ZPBP2: variants seen among roughly 807,000 people sequenced by gnomAD.
ZPBP2 encodes the protein zona pellucida binding protein 2, also known as zona pellucida-binding protein 2.
ZPBP2 carries 34 observed loss-of-function variants against 37.5 expected under a neutral mutation model. That is an observed-to-expected ratio of 0.91 (90% CI 0.69 to 1.21). The LOEUF is 1.21. Among genes scored for constraint, ZPBP2 ranks in the 50% most tolerant of loss-of-function variants. The pLI, the probability that ZPBP2 is intolerant of heterozygous loss-of-function variation, is 0.00. For synonymous variants in ZPBP2, 143 were observed against 138.4 expected (o/e 1.03, Z -0.23); for missense variants, 397 against 413.5 (o/e 0.96, Z 0.35).
At chr17:39,874,214 A>G (rs1372681276) in intron 6 of ZPBP2, among the ~76,000 whole-genome samples, 2 of 151,930 alleles carry the variant, frequency 1.3e-5, no homozygotes, top group Non-Finnish European at 2.9e-5. Flanking sequence ...GTTGGTCTCA[A>G]ACTCCTGACC....
At chr17:39,875,671 T>C (rs956006292) in intron 7 of ZPBP2, among the ~76,000 whole-genome samples, 1 of 151,496 alleles carries the variant, frequency 6.6e-6, no homozygotes, top group Non-Finnish European at 1.5e-5. Flanking sequence ...TCATCTGAGC[T>C]CACCACAACC....
chr17:39,870,796 G>T lies in ZPBP2; in HGVS notation c.221G>T (p.Gly74Val). ...GTGGACCCCACCTACTTATGGATTG[G>T]GCCTAATGAAAAGACGTTAACAGGT... ...EIVDPTYLWIGPNEKTLTGNN... is the reference protein window; with the variant it reads ...EIVDPTYLWIVPNEKTLTGNN... Residue 74 changes from glycine to valine, a missense_variant, in exon 3 of 8, where the codon GGG (glycine) becomes GTG (valine). Transcript: ENST00000348931. 1 of 1,550,356 alleles carries T rather than the reference G, an allele frequency of 6.5e-7. No individual in the cohort carries two copies. Among genetic ancestry groups the T allele is most frequent in the Non-Finnish European group, 8.8e-7 (1 of 1,141,436 alleles).
At chr17:39,875,174 A>C in intron 6 of ZPBP2, 80 bp from the exon 7 acceptor site, 1 of 1,307,104 alleles carries the variant, frequency 7.7e-7, no homozygotes, top group East Asian at 2.3e-5. Flanking sequence ...CTTACAGTAC[A>C]TTATTGCCTG....
chr17:39,876,575 G>A, intron 7 of ZPBP2, 107 bp from the exon 8 acceptor site: 4 of 1,252,230 alleles, frequency 3.2e-6, no homozygotes, highest in Non-Finnish European at 3.3e-6. Context: ...GTACTGAAAT[G>A]GTATGATATT....
chr17:39,871,223 T>G (rs1474158370), intron 3 of ZPBP2, among the ~76,000 whole-genome samples: 1 of 152,158 alleles, frequency 6.6e-6, no homozygotes, highest in Non-Finnish European at 1.5e-5. Flanking sequence ...TCTGAATTAC[T>G]GGGATGAACC....
intron 3 of ZPBP2, 31 bp from the exon 4 acceptor site, chr17:39,871,433 T>C: frequency 2.0e-6 from 3 of 1,475,730 alleles, no homozygotes; most frequent in Non-Finnish European, 2.8e-6. Context: ...ATATGTTATA[T>C]GTTAAATAAG....
At chr17:39,871,661 G>C in intron 4 of ZPBP2, 36 bp downstream of exon 4, 1 of 1,471,018 alleles carries the variant, frequency 6.8e-7, no homozygotes, top group African/African-American at 1.4e-5. Context: ...TATACATTTA[G>C]TTTGGATCGT....
At chr17:39,869,730 A>T (rs1449167822) in intron 2 of ZPBP2, among the ~76,000 whole-genome samples, 8 of 49,704 alleles carry the variant, frequency 1.6e-4, no homozygotes, top group Non-Finnish European at 2.2e-4. Flanking sequence ...TTTTTTTTTT[A>T]AAGACAGCAT....
chr17:39,870,611 C>T (rs1489794592), intron 2 of ZPBP2, 83 bp from the exon 3 acceptor site: 1 of 808,282 alleles, frequency 1.2e-6, no homozygotes, highest in African/African-American at 1.8e-5. Context: ...TAATTCGTGT[C>T]TTCAGCACAA....
intron 7 of ZPBP2, 43 bp from the exon 8 acceptor site, chr17:39,876,639 A>T (rs1414601989): frequency 1.2e-6 from 2 of 1,606,368 alleles, no homozygotes; most frequent in Admixed American, 3.4e-5. Context: ...AGAGGCATAA[A>T]ATATCTCTAA....
intron 2 of ZPBP2, among the ~76,000 whole-genome samples, chr17:39,869,707 C>CT (rs59544817): frequency 0.014 from 1,277 of 92,984 alleles, 26 homozygotes; most frequent in African/African-American, 0.036. Context: ...ACCAGCCAAT[C>CT]TTTTTTTTTT....
At chr17:39,868,680 G>C in intron 2 of ZPBP2, 66 bp downstream of exon 2, 1 of 1,573,460 alleles carries the variant, frequency 6.4e-7, no homozygotes, top group South Asian at 1.1e-5. Flanking sequence ...CTTCCCGGAA[G>C]AGCTTCCTGG....
chr17:39,875,264 G>A lies in ZPBP2; in HGVS notation c.719G>A (p.Arg240Gln), dbSNP rs376495488. 8.7e-6 allele frequency: 14 copies of A among 1,609,854 alleles called. No homozygotes were observed. The highest frequency in any genetic ancestry group is 1.7e-5 in the Admixed American group (1 of 59,090). ...TNHNILQARD[R>Q]IEDFFRSQAY... ...ATTTTTCAACCTTAGGCAAGAGATC[G>A]AATAGAAGACTTTTTTCGGAGCCAA... The change falls in exon 7 of 8, where the codon CGA (arginine) becomes CAA (glutamine). Residue 240 changes from arginine (R) to glutamine (Q), a missense_variant. Transcript: ENST00000348931.
Position 39,868,223 on chromosome 17 carries a change from C to G in ZPBP2, c.-132C>G, listed in dbSNP as rs2063344008. Reference sequence around the variant, plus strand: ...TCCTGCGCGTCCGCTCCCGCCGTTGCGACGGACGGGTAGGGGAGGCGACCC... The same window carrying G: ...TCCTGCGCGTCCGCTCCCGCCGTTGGGACGGACGGGTAGGGGAGGCGACCC... On this transcript the variant is annotated 5_prime_UTR_variant, in exon 1 of 8. Transcript: ENST00000348931. The G allele has an allele frequency of 1.0e-6, 1 of 996,610 alleles. No homozygotes were observed. The highest frequency in any genetic ancestry group is 1.6e-5 in the African/African-American group (1 of 62,410). The allele number at this position is 996,610 out of a possible 1,614,324, so 61.7% of individuals were successfully genotyped here. A position where few individuals can be genotyped will look rare whatever the true frequency, so the allele number is the denominator to read the frequency against.
intron 2 of ZPBP2, 103 bp from the exon 3 acceptor site, chr17:39,870,591 C>A: frequency 1.6e-6 from 1 of 630,506 alleles, no homozygotes; most frequent in Admixed American, 4.0e-5. Context: ...TAGTGAAATC[C>A]AACAAGAACT....
In ZPBP2 at chr17:39,871,580, CAAGAA is replaced by C. The variant is rs1402087442; in HGVS notation, c.362_366del (p.Gln121ArgfsTer9). On this transcript the variant is annotated frameshift_variant, in exon 4 of 8. Transcript: ENST00000348931. LOFTEE classifies it high-confidence loss of function. ...TTATAAGACTGTTAAAGCAGAAACT[CAAGAA>C]GAAAAAACAGTCAAAAAGAGATATG... 1 of 1,594,904 alleles carries C rather than the reference CAAGAA, an allele frequency of 6.3e-7. No individual in the cohort carries two copies.
In ZPBP2 at chr17:39,875,253, G is replaced by C; in HGVS notation, c.709-1G>C. The C allele has an allele frequency of 6.2e-7, 1 of 1,605,466 alleles. No individual in the cohort carries two copies. The highest frequency in any genetic ancestry group is 8.5e-7 in the Non-Finnish European group (1 of 1,176,776). On this transcript the variant is annotated splice_acceptor_variant, in intron 6 of 7. Coordinates refer to ENST00000348931, the MANE Select transcript of ZPBP2 (RefSeq NM_199321.3). LOFTEE classifies it high-confidence loss of function. ...CTTTCTCTGGTATTTTTCAACCTTA[G>C]GCAAGAGATCGAATAGAAGACTTTT...
Position 39,874,787 on chromosome 17 carries a change from T to C in ZPBP2, c.709-467T>C, listed in dbSNP as rs1246123001. On this transcript the variant is annotated intron_variant, in intron 6 of 7. Transcript: ENST00000348931. ...TTTTTTCTGAGACGGGGTCTCGCTC[T>C]GTCGCCAGGCTGGAGTGCAGTGGCA... Among the ~76,000 whole-genome samples, 3 of 152,160 alleles carry C rather than the reference T, an allele frequency of 2.0e-5. No individual in the cohort carries two copies. The East Asian group carries it at 5.8e-4, about 29-fold the overall frequency.
In ZPBP2 at chr17:39,877,857, T is replaced by C. The variant is rs1598265737; in HGVS notation, c.*1048T>C. 6.6e-6 allele frequency: 1 copy of C among 152,226 alleles called. No individual in the cohort carries two copies. The highest frequency in any genetic ancestry group is 1.5e-5 in the Non-Finnish European group (1 of 68,026). 9.4% of individuals were successfully genotyped at this position (152,226 alleles called of 1,614,324 possible). A position where few individuals can be genotyped will look rare whatever the true frequency, so the allele number is the denominator to read the frequency against. ...GCCCATTAAAGGAAATCTTGATTGC[T>C]TCCAGTTTTCAGTGATTAAAAATAA... On this transcript the variant is annotated 3_prime_UTR_variant, in exon 8 of 8. Coordinates refer to ENST00000348931, the MANE Select transcript of ZPBP2 (RefSeq NM_199321.3).
Sources: allele counts gnomAD v4.1 joint callset (sites outside exome capture counted in the v4.1 genomes callset), GRCh38; gene constraint gnomAD v4.1.1; transcripts MANE v1.5; gene names NCBI Gene and HGNC (gene_info 2026-07-23, HGNC 2026-07-21).